VAT1L: variants seen among roughly 807,000 people sequenced by gnomAD.
VAT1L encodes vesicle amine transport 1 like.
In VAT1L, 34 loss-of-function variants were observed where a neutral mutation model predicts 44.1. The observed-to-expected ratio is 0.77, with a 90% CI of 0.59 to 1.03. The LOEUF (loss-of-function observed/expected upper bound fraction) is 1.03. Among genes scored for constraint, VAT1L ranks in the 50% least tolerant of loss-of-function variants. The pLI is 0.00. For synonymous variants in VAT1L, 253 were observed against 202.2 expected (o/e 1.25, Z -2.13); for missense variants, 615 against 538.8 (o/e 1.14, Z -1.40).
chr16:77,879,106 T>C lies in VAT1L; in HGVS notation c.827-63T>C. ...GACCAAACAATTGCCATTTTTTTCA[T>C]GCATAACAAGAGATGTCCATTTTCA... On this transcript the variant is annotated intron_variant, in intron 5 of 8. Coordinates refer to ENST00000302536, the MANE Select transcript of VAT1L (RefSeq NM_020927.3). The surrounding 1 kb of genome is among the most constrained non-coding windows in gnomAD (Gnocchi z 4.1). 2 of 1,548,898 alleles carry C rather than the reference T, an allele frequency of 1.3e-6. No individual in the cohort carries two copies. Among genetic ancestry groups the C allele is most frequent in the Non-Finnish European group, 1.8e-6 (2 of 1,123,410 alleles).
rs1010740478 is a variant in VAT1L at position 77,797,221 on chromosome 16, C to T, written c.233+8306C>T. ...GCGCCTCCCAGGTTCAAGTGATTTT[C>T]CTGCCTCAGCCTCCTAAGTAGCTGG... On this transcript the variant is annotated intron_variant, in intron 1 of 8. Coordinates refer to ENST00000302536, the MANE Select transcript of VAT1L (RefSeq NM_020927.3). 2.0e-5 allele frequency among the ~76,000 whole-genome samples: 3 copies of T among 151,616 alleles called. No individual in the cohort carries two copies. The South Asian group carries it at 6.2e-4, about 32-fold the overall frequency.
chr16:77,950,760 T>A (rs2018032830), intron 7 of VAT1L, among the ~76,000 whole-genome samples: 2 of 152,298 alleles, frequency 1.3e-5, no homozygotes, highest in East Asian at 3.9e-4. Context: ...ACAGCTTTAT[T>A]CCATTTCTTT....
chr16:77,891,079 G>A (rs1392932069), intron 7 of VAT1L, among the ~76,000 whole-genome samples: 1 of 152,140 alleles, frequency 6.6e-6, no homozygotes, highest in Non-Finnish European at 1.5e-5. Context: ...TCTCGGCCGG[G>A]CGTGGTGGCT....
Position 77,879,300 on chromosome 16 carries a change from T to C in VAT1L, c.882+76T>C. On this transcript the variant is annotated intron_variant, in intron 6 of 8. Coordinates refer to ENST00000302536, the MANE Select transcript of VAT1L (RefSeq NM_020927.3). This position sits in a 1 kb window ranked among gnomAD's most constrained non-coding sequence, Gnocchi z 4.1. ...GTTGAGAGCTTTGTTTTTGTTTGTT[T>C]GTTTGTTTTGAGACAGCGTCTCGTT... The C allele has an allele frequency of 6.6e-7, 1 of 1,517,234 alleles. No individual in the cohort carries two copies. The highest frequency in any genetic ancestry group is 9.1e-7 in the Non-Finnish European group (1 of 1,093,152). The allele number at this position is 1,517,234 out of a possible 1,614,324, so 94.0% of individuals were successfully genotyped here.
intron 3 of VAT1L, among the ~76,000 whole-genome samples, chr16:77,827,156 C>T (rs1394038884): frequency 2.0e-5 from 3 of 152,172 alleles, no homozygotes; most frequent in Non-Finnish European, 2.9e-5. Flanking sequence ...AAAAGCTAAG[C>T]ATCCCGTAGA....
At chr16:77,960,535 G>A (rs952684973) in intron 7 of VAT1L, among the ~76,000 whole-genome samples, 8 of 152,120 alleles carry the variant, frequency 5.3e-5, no homozygotes, top group Non-Finnish European at 7.3e-5. Flanking sequence ...AAGAGGCATA[G>A]CTACTTCCAG....
intron 7 of VAT1L, among the ~76,000 whole-genome samples, chr16:77,945,156 T>G (rs1225968685): frequency 1.3e-5 from 2 of 152,096 alleles, no homozygotes; most frequent in South Asian, 2.1e-4. Flanking sequence ...CTGTCCAATC[T>G]GTGGGGGCAC....
intron 3 of VAT1L, among the ~76,000 whole-genome samples, chr16:77,853,215 T>C (rs977482000): frequency 3.3e-5 from 5 of 152,098 alleles, no homozygotes; most frequent in African/African-American, 1.2e-4. Flanking sequence ...CTAATGGGGA[T>C]GGGGGCTTAT....
In VAT1L at chr16:77,853,723, T is replaced by C. The variant is rs114451734; in HGVS notation, c.580-9025T>C. ...ATTACAGCAAGTCCCCAGGTGATGT[T>C]GAGGCTGCTGGCTCTGGCACCACAC... On this transcript the variant is annotated intron_variant, in intron 3 of 8. Coordinates refer to ENST00000302536, the MANE Select transcript of VAT1L (RefSeq NM_020927.3). Among the ~76,000 whole-genome samples the C allele has an allele frequency of 4.9e-3, 750 of 152,220 alleles. 1 individual carries two copies. The highest frequency in any genetic ancestry group is 0.017 in the African/African-American group (707 of 41,530).
chr16:77,877,896 G>C (rs144058998), intron 5 of VAT1L, among the ~76,000 whole-genome samples: 1 of 152,330 alleles, frequency 6.6e-6, no homozygotes, highest in Non-Finnish European at 1.5e-5. Context: ...TTCCTTTGAA[G>C]TGGACGTGTG....
chr16:77,789,239 G>A (rs1217613153), intron 1 of VAT1L, among the ~76,000 whole-genome samples: 1 of 152,186 alleles, frequency 6.6e-6, no homozygotes, highest in Non-Finnish European at 1.5e-5. Context: ...TTTCGCACGG[G>A]AGGGTTGATG....
intron 1 of VAT1L, among the ~76,000 whole-genome samples, chr16:77,808,306 C>G (rs2016199678): frequency 6.6e-6 from 1 of 152,172 alleles, no homozygotes; most frequent in South Asian, 2.1e-4. Context: ...TCTCCTGTCA[C>G]CCCCAGATGG....
At chr16:77,903,628 T>C (rs2017407816) in intron 7 of VAT1L, among the ~76,000 whole-genome samples, 1 of 152,152 alleles carries the variant, frequency 6.6e-6, no homozygotes, top group Admixed American at 6.5e-5. Flanking sequence ...AAATTCTGAT[T>C]TGGAGATCGC....
At chr16:77,863,910 A>C (rs1658776814) in intron 4 of VAT1L, among the ~76,000 whole-genome samples, 1 of 152,210 alleles carries the variant, frequency 6.6e-6, no homozygotes, top group African/African-American at 2.4e-5. Context: ...AAATGGGGCT[A>C]TGATTGATTT....
intron 7 of VAT1L, among the ~76,000 whole-genome samples, chr16:77,971,193 G>C (rs1366812456): frequency 6.6e-6 from 1 of 152,070 alleles, no homozygotes; most frequent in African/African-American, 2.4e-5. Context: ...AGAATGAAAT[G>C]CTCAAAAGGC....
At chr16:77,965,750 T>G (rs970180386) in intron 7 of VAT1L, among the ~76,000 whole-genome samples, 8 of 151,932 alleles carry the variant, frequency 5.3e-5, no homozygotes, top group African/African-American at 1.9e-4. Flanking sequence ...CTCTAGGATG[T>G]GGGGTAGGCA....
chr16:77,846,734 T>A (rs1311191536), intron 3 of VAT1L, among the ~76,000 whole-genome samples: 1 of 152,220 alleles, frequency 6.6e-6, no homozygotes, highest in Non-Finnish European at 1.5e-5. Flanking sequence ...TATATCTATA[T>A]AATAGAATAT....
intron 1 of VAT1L, among the ~76,000 whole-genome samples, chr16:77,802,220 T>C (rs998829265): frequency 3.3e-5 from 5 of 152,206 alleles, no homozygotes; most frequent in Non-Finnish European, 7.3e-5. Flanking sequence ...GTCATCTTTT[T>C]TCCTTTTGTA....
intron 1 of VAT1L, among the ~76,000 whole-genome samples, chr16:77,799,263 CCTT>C (rs201983912): frequency 2.1e-5 from 3 of 142,822 alleles, no homozygotes; most frequent in Admixed American, 1.5e-4. Context: ...CCCCTCCCCT[CCTT>C]CTTCTCTCTC....
Sources: gnomAD v4.1 joint callset for allele counts (sites outside exome capture counted in the v4.1 genomes callset) on GRCh38, gnomAD v4.1.1 for gene constraint, Gnocchi (gnomAD v3.1) non-coding constraint, MANE v1.5 for transcripts, NCBI Gene and HGNC (gene_info 2026-07-23, HGNC 2026-07-21) for gene names.